The following CDKAL1 variants were observed in gnomAD, a reference collection of about 807,000 sequenced individuals.
The protein encoded by CDKAL1 is CDKAL1 threonylcarbamoyladenosine tRNA methylthiotransferase.
A neutral mutation model predicts 68.2 loss-of-function variants in CDKAL1; 32 were observed. The ratio of observed to expected loss-of-function variants is 0.47; its 90% CI spans 0.35 to 0.63. The LOEUF is 0.63. CDKAL1 is among the 30% of genes least tolerant of loss of function. The probability of loss-of-function intolerance (pLI) is 0.00; values close to 1 mark genes in which losing one functional copy is unlikely to be tolerated. For missense variants in CDKAL1, 606 were observed against 696.7 expected (o/e 0.87, Z 1.47); for synonymous variants, 234 against 244.3 (o/e 0.96, Z 0.39).
At position 21,069,804 on chromosome 6, in the gene CDKAL1, T is replaced by TTTTAA. The variant is rs60342057; in HGVS notation, c.1236+4576_1236+4577insTTTAA. On this transcript the variant is annotated intron_variant, in intron 12 of 15. Transcript: ENST00000274695. Reference sequence around the variant, plus strand: ...TTTTTTTTTTTTTTTTTTTTTTTTTTAAAACAGAGCCTTGCTCTGTCACCC... The same window carrying TTTTAA: ...TTTTTTTTTTTTTTTTTTTTTTTTTTTTTAAAAAACAGAGCCTTGCTCTGTCACCC... 2.5e-4 allele frequency among the ~76,000 whole-genome samples: 21 copies of TTTTAA among 85,512 alleles called. 1 individual carries two copies. Among genetic ancestry groups the TTTTAA allele is most frequent in the East Asian group, 8.1e-4 (2 of 2,468 alleles). 56.1% of individuals were successfully genotyped at this position (85,512 alleles called of 152,430 possible).
At chr6:20,834,126 C>T (rs1239767734) in intron 8 of CDKAL1, among the ~76,000 whole-genome samples, 1 of 152,142 alleles carries the variant, frequency 6.6e-6, no homozygotes, top group Non-Finnish European at 1.5e-5. Context: ...GAATATCAGT[C>T]TGTTTGTTAT....
intron 9 of CDKAL1, among the ~76,000 whole-genome samples, chr6:20,936,813 G>A (rs187153350): frequency 1.3e-5 from 2 of 152,112 alleles, no homozygotes; most frequent in East Asian, 3.9e-4. Flanking sequence ...CTTTAAATCA[G>A]GAAACTTTGA....
intron 11 of CDKAL1, among the ~76,000 whole-genome samples, chr6:21,039,715 G>A (rs1188584265): frequency 1.3e-5 from 2 of 152,176 alleles, no homozygotes; most frequent in African/African-American, 4.8e-5. Flanking sequence ...AATCAGAACA[G>A]TATCATGCCT....
chr6:20,953,878 C>G (rs1447036836), intron 9 of CDKAL1, among the ~76,000 whole-genome samples: 1 of 152,110 alleles, frequency 6.6e-6, no homozygotes, highest in Non-Finnish European at 1.5e-5. Flanking sequence ...TTTTCAGATG[C>G]TAAAAATATC....
In CDKAL1 at chr6:20,835,020, T is replaced by A. The variant is rs911960810; in HGVS notation, c.639-11055T>A. 6.6e-5 allele frequency among the ~76,000 whole-genome samples: 10 copies of A among 152,132 alleles called. No individual in the cohort carries two copies. In the East Asian group the frequency reaches 1.2e-3, roughly 18 times the overall value. ...GATGAAAAAAGCCAGACAAAAAGAG[T>A]ACGTACTCTATGATTCCATTTATAT... On this transcript the variant is annotated intron_variant, in intron 8 of 15. Transcript: ENST00000274695.
chr6:20,936,101 T>A (rs1274419404), intron 9 of CDKAL1, among the ~76,000 whole-genome samples: 2 of 152,164 alleles, frequency 1.3e-5, no homozygotes, highest in African/African-American at 4.8e-5. Flanking sequence ...ATAGAATAAT[T>A]ATTCTTTTCT....
At chr6:21,124,174 A>G (rs918249954) in intron 13 of CDKAL1, among the ~76,000 whole-genome samples, 8 of 152,356 alleles carry the variant, frequency 5.3e-5, no homozygotes, top group African/African-American at 1.9e-4. Context: ...TCACTCAAGG[A>G]TTGCAAAATA....
chr6:20,954,618 G>T (rs1463762091), intron 9 of CDKAL1, among the ~76,000 whole-genome samples: 1 of 152,150 alleles, frequency 6.6e-6, no homozygotes, highest in South Asian at 2.1e-4. Context: ...GGCCTGAATG[G>T]CTCTTGCTGA....
intron 12 of CDKAL1, among the ~76,000 whole-genome samples, chr6:21,078,817 C>T (rs1582153804): frequency 6.6e-6 from 1 of 152,150 alleles, no homozygotes; most frequent in Admixed American, 6.5e-5. Context: ...CTGTTCTCCT[C>T]CCCACCTCTT....
chr6:20,858,795 G>A (rs1759468274), intron 9 of CDKAL1, among the ~76,000 whole-genome samples: 1 of 151,996 alleles, frequency 6.6e-6, no homozygotes, highest in Non-Finnish European at 1.5e-5. Context: ...TTTAAGAAAT[G>A]TAATGTATGT....
chr6:20,868,265 G>T (rs1255362111), intron 9 of CDKAL1, among the ~76,000 whole-genome samples: 2 of 152,004 alleles, frequency 1.3e-5, no homozygotes, highest in African/African-American at 4.8e-5. Flanking sequence ...AATCTGAAAG[G>T]GTCTGCTCCT....
intron 11 of CDKAL1, among the ~76,000 whole-genome samples, chr6:21,055,590 C>T (rs574250813): frequency 2.6e-5 from 4 of 152,240 alleles, no homozygotes; most frequent in African/African-American, 7.2e-5. Context: ...TCACATTGTT[C>T]AGCTCGCACT....
intron 13 of CDKAL1, among the ~76,000 whole-genome samples, chr6:21,127,081 G>C (rs7751485): frequency 0.53 from 80,467 of 151,940 alleles, 22,294 homozygotes; most frequent in African/African-American, 0.69. Flanking sequence ...GGTCGATTTG[G>C]GTTATGTACA....
At position 20,686,654 on chromosome 6, in the gene CDKAL1, A is replaced by G. The variant is rs79798594; in HGVS notation, c.371+37277A>G. Among the ~76,000 whole-genome samples, 633 of 152,270 alleles carry G rather than the reference A, an allele frequency of 4.2e-3. 9 individuals are homozygous for G. Among genetic ancestry groups the G allele is most frequent in the African/African-American group, 0.014 (592 of 41,552 alleles). On this transcript the variant is annotated intron_variant, in intron 5 of 15. Transcript: ENST00000274695. Reference sequence around the variant, plus strand: ...TCATTCTGAAACCATCTCCCACCCAATCTGTGGAAAAATTACCTTTCCCTC... The same window carrying G: ...TCATTCTGAAACCATCTCCCACCCAGTCTGTGGAAAAATTACCTTTCCCTC...
chr6:20,658,075 C>G (rs1222097014), intron 5 of CDKAL1, among the ~76,000 whole-genome samples: 1 of 152,112 alleles, frequency 6.6e-6, no homozygotes, highest in Non-Finnish European at 1.5e-5. Flanking sequence ...ATGATAGTAT[C>G]AAATCAAAAA....
chr6:21,130,893 G>C (rs2151020634), intron 13 of CDKAL1, among the ~76,000 whole-genome samples: 1 of 152,258 alleles, frequency 6.6e-6, no homozygotes, highest in East Asian at 1.9e-4. Context: ...GGACTAAAAG[G>C]ACCTGCCAGC....
chr6:20,777,671 C>T (rs1483091903), intron 7 of CDKAL1, among the ~76,000 whole-genome samples: 3 of 152,142 alleles, frequency 2.0e-5, no homozygotes, highest in South Asian at 2.1e-4. Flanking sequence ...AATTATAGCA[C>T]CATATTTTTA....
At position 21,060,746 on chromosome 6, in the gene CDKAL1, C is replaced by T. The variant is rs1402538292; in HGVS notation, c.1056-4302C>T. ...TCAAGATATTTTTCTCCCCTACCTA[C>T]CTCATTTTTTCCCCAAAAGTATTGA... On this transcript the variant is annotated intron_variant, in intron 11 of 15. Transcript: ENST00000274695. 3.9e-5 allele frequency among the ~76,000 whole-genome samples: 6 copies of T among 152,194 alleles called. No homozygotes were observed. The East Asian group carries it at 1.2e-3, about 29-fold the overall frequency.
intron 4 of CDKAL1, among the ~76,000 whole-genome samples, chr6:20,647,695 A>T (rs1386920975): frequency 2.0e-5 from 3 of 152,164 alleles, no homozygotes; most frequent in Non-Finnish European, 4.4e-5. Flanking sequence ...AATTTGGAGG[A>T]TACTAACAGG....
Sources: allele counts gnomAD v4.1 joint callset (sites outside exome capture counted in the v4.1 genomes callset), GRCh38; gene constraint gnomAD v4.1.1; transcripts MANE v1.5; gene names NCBI Gene and HGNC (gene_info 2026-07-23, HGNC 2026-07-21).